ABCC11: variants seen among roughly 807,000 people sequenced by gnomAD.
ABCC11 encodes ATP-binding cassette sub-family C member 11.
A neutral mutation model predicts 149.3 loss-of-function variants in ABCC11; 135 were observed. The observed-to-expected ratio is 0.90, with a 90% CI of 0.79 to 1.04. ABCC11 has a LOEUF of 1.04. Among genes scored for constraint, ABCC11 ranks in the 50% least tolerant of loss-of-function variants. The pLI is 0.00. For synonymous variants in ABCC11, 665 were observed against 671.4 expected, an observed-to-expected ratio of 0.99 and a Z score of 0.15; for missense variants, 1,680 against 1,722.1, an observed-to-expected ratio of 0.98 and a Z score of 0.43.
chr16:48,227,885 G>C lies in ABCC11; in HGVS notation c.316C>G (p.Gln106Glu), dbSNP rs1439821849. ...TCATCTAAGCGACTCCGTAAGCTTT[G>C]GATCATGAGCGGGGTGAGCCATGAC... ...TVSWLTPLMIQSLRSRLDENT... is the reference protein window; with the variant it reads ...TVSWLTPLMIESLRSRLDENT... Residue 106 changes from glutamine to glutamate, a missense_variant, in exon 4 of 30, where the codon CAA becomes GAA. Transcript: ENST00000356608. 6.2e-7 allele frequency: 1 copy of C among 1,614,122 alleles called. No homozygotes were observed.
intron 7 of ABCC11, 141 bp from the exon 8 acceptor site, chr16:48,215,485 T>C: frequency 1.0e-6 from 1 of 991,286 alleles, no homozygotes; most frequent in Non-Finnish European, 1.4e-6. Flanking sequence ...TCCAGGCCAC[T>C]ATGCCTTAGA....
intron 20 of ABCC11, among the ~76,000 whole-genome samples, chr16:48,191,559 C>G (rs1171157697): frequency 6.6e-6 from 1 of 152,172 alleles, no homozygotes; most frequent in Non-Finnish European, 1.5e-5. Context: ...CTCAATTTTT[C>G]TGTAAACGAA....
chr16:48,205,417 C>A lies in ABCC11; in HGVS notation c.1801G>T (p.Ala601Ser), dbSNP rs994629552. 6.2e-7 allele frequency: 1 copy of A among 1,614,202 alleles called. No individual in the cohort carries two copies. The highest frequency in any genetic ancestry group is 8.5e-7 in the Non-Finnish European group (1 of 1,180,018). ...TTTCCCCTCCCAGGAGCTTACCGGG[C>A]CTTGTCATATGCGCCTCCCATGAGG... ...NILMGGAYDK[A>S]RYLQVLHCCS... The change falls in exon 13 of 30, where the codon GCC becomes TCC. Residue 601 changes from alanine to serine, a missense_variant. Transcript: ENST00000356608.
rs557871867 is a variant in ABCC11, at chr16:48,245,743, G to A, written c.-19+1571C>T. Among the ~76,000 whole-genome samples the A allele has an allele frequency of 2.6e-5, 4 of 152,258 alleles. No homozygotes were observed. The South Asian group carries it at 8.3e-4, about 32-fold the overall frequency. ...AAAGGTAATATTTTGAGTACTTGGG[G>A]TTAATAAAATGTTAAGATTTCTGCT... On this transcript the variant is annotated intron_variant, in intron 1 of 29. Coordinates refer to ENST00000356608, the MANE Select transcript of ABCC11 (RefSeq NM_001370497.1).
chr16:48,247,217 T>TAAAAAAA (rs78085763), intron 1 of ABCC11, 97 bp downstream of exon 1: 2 of 141,808 alleles, frequency 1.4e-5, no homozygotes, highest in African/African-American at 5.3e-5. Context: ...ACACTCTACT[T>TAAAAAAA]AAAAAAAAAA....
intron 20 of ABCC11, among the ~76,000 whole-genome samples, chr16:48,192,209 C>T (rs1042000183): frequency 2.0e-5 from 3 of 151,928 alleles, no homozygotes; most frequent in Non-Finnish European, 2.9e-5. Flanking sequence ...TTTGGGGGGC[C>T]GAGGTGGATG....
chr16:48,203,097 A>G, intron 14 of ABCC11, 131 bp downstream of exon 14: 1 of 1,013,914 alleles, frequency 9.9e-7, no homozygotes, highest in Non-Finnish European at 1.4e-6. Flanking sequence ...CTCCTCCTGC[A>G]GCAGCTGCAG....
chr16:48,242,221 T>A lies in ABCC11; in HGVS notation c.-19+5093A>T, dbSNP rs560723660. On this transcript the variant is annotated intron_variant, in intron 1 of 29. Coordinates refer to ENST00000356608, the MANE Select transcript of ABCC11 (RefSeq NM_001370497.1). ...CAAGAAAAAATCAAACAACCCCATCTAAAAGTGGGCAAAGGATATGAACAG... is the reference window on the plus strand; with the variant it reads ...CAAGAAAAAATCAAACAACCCCATCAAAAAGTGGGCAAAGGATATGAACAG... Among the ~76,000 whole-genome samples the A allele has an allele frequency of 1.0e-3, 154 of 152,176 alleles. 1 individual carries two copies. The highest frequency in any genetic ancestry group is 1.2e-3 in the South Asian group (6 of 4,824).
At position 48,184,580 on chromosome 16, in the gene ABCC11, G is replaced by A; in HGVS notation, c.3118C>T (p.Leu1040=). Residue 1040 remains leucine (L), a synonymous_variant, in exon 23 of 30, where the codon CTA becomes TTA. Coordinates refer to ENST00000356608, the MANE Select transcript of ABCC11 (RefSeq NM_001370497.1). ...DAQNNYLLLF[L]SSTRWMALRL... Reference sequence around the variant, plus strand: ...AATGCCATCCATCGTGTGGAAGATAGAAACAACAGCAGGTAGTTATTCTGC... The same window carrying A: ...AATGCCATCCATCGTGTGGAAGATAAAAACAACAGCAGGTAGTTATTCTGC... The A allele has an allele frequency of 1.2e-6, 2 of 1,614,242 alleles. No homozygotes were observed. Among genetic ancestry groups the A allele is most frequent in the Admixed American group, 1.7e-5 (1 of 60,034 alleles).
Position 48,216,229 on chromosome 16 carries a change from G to C in ABCC11, c.836C>G (p.Pro279Arg). Reference sequence around the variant, plus strand: ...CGATGCGCAGGTGATCAGTACTAGGGGTCCATAGCACACCCCTTCAAACAG... The same window carrying C: ...CGATGCGCAGGTGATCAGTACTAGGCGTCCATAGCACACCCCTTCAAACAG... ...NYLFEGVCYG[P>R]LVLITCASLV... The change falls in exon 7 of 30, where the codon CCC becomes CGC. Residue 279 changes from proline (P) to arginine (R), a missense_variant. Transcript: ENST00000356608. The C allele has an allele frequency of 3.1e-6, 5 of 1,614,062 alleles. No individual in the cohort carries two copies. The highest frequency in any genetic ancestry group is 3.4e-6 in the Non-Finnish European group (4 of 1,179,992).
At chr16:48,195,306 A>G (rs1967296938) in intron 18 of ABCC11, among the ~76,000 whole-genome samples, 1 of 152,220 alleles carries the variant, frequency 6.6e-6, no homozygotes, top group South Asian at 2.1e-4. Context: ...ATACAGATCA[A>G]TGTAAGCTGC....
At chr16:48,185,031 C>T (rs915295041) in intron 22 of ABCC11, among the ~76,000 whole-genome samples, 1 of 152,064 alleles carries the variant, frequency 6.6e-6, no homozygotes, top group Non-Finnish European at 1.5e-5. Context: ...AGGAGGGGAG[C>T]CTGGAGCCAC....
intron 18 of ABCC11, among the ~76,000 whole-genome samples, chr16:48,195,194 C>G (rs775027795): frequency 1.2e-4 from 18 of 152,214 alleles, no homozygotes; most frequent in Non-Finnish European, 1.8e-4. Context: ...GGAAGCAAGT[C>G]TTAATTCTCC....
chr16:48,246,725 C>T (rs1213494229), intron 1 of ABCC11, among the ~76,000 whole-genome samples: 1 of 152,088 alleles, frequency 6.6e-6, no homozygotes, highest in African/African-American at 2.4e-5. Flanking sequence ...TAGGCGTGCA[C>T]CACTACACCC....
chr16:48,180,075 G>C (rs1055245853), intron 23 of ABCC11, among the ~76,000 whole-genome samples: 1 of 152,198 alleles, frequency 6.6e-6, no homozygotes, highest in African/African-American at 2.4e-5. Flanking sequence ...GGGCTGCCTT[G>C]CCAGCATCAT....
intron 26 of ABCC11, among the ~76,000 whole-genome samples, chr16:48,171,313 CCAAT>C (rs1336191822): frequency 3.3e-5 from 5 of 152,194 alleles, no homozygotes; most frequent in African/African-American, 9.7e-5. Flanking sequence ...GGGAAAGTAA[CCAAT>C]CAGAGTGTAT....
intron 22 of ABCC11, among the ~76,000 whole-genome samples, chr16:48,184,961 G>T (rs1966668143): frequency 6.6e-6 from 1 of 152,236 alleles, no homozygotes; most frequent in Non-Finnish European, 1.5e-5. Context: ...GTGTGAGTGA[G>T]TGTGGGAGTG....
At chr16:48,199,050 A>G (rs1018605081) in intron 15 of ABCC11, among the ~76,000 whole-genome samples, 3 of 151,052 alleles carry the variant, frequency 2.0e-5, no homozygotes, top group Non-Finnish European at 4.4e-5. Flanking sequence ...ATATATATAT[A>G]TATCTATATA....
Position 48,178,637 on chromosome 16 carries a change from G to T in ABCC11, c.3308C>A (p.Ala1103Glu). The change falls in exon 24 of 30, where the codon GCA becomes GAA. Residue 1103 changes from alanine (A) to glutamate (E), a missense_variant. By Grantham distance (107) the Ala-to-Glu change is moderately radical. Coordinates refer to ENST00000356608, the MANE Select transcript of ABCC11 (RefSeq NM_001370497.1). Reference sequence around the variant, plus strand: ...TATCCTCTCTACAGCCGTGAACTGTGCCTCTGTCTCCAAGCCAATCCGGGC... The same window carrying T: ...TATCCTCTCTACAGCCGTGAACTGTTCCTCTGTCTCCAAGCCAATCCGGGC... ...ATARIGLETE[A>E]QFTAVERILQ... 6.2e-7 allele frequency: 1 copy of T among 1,614,132 alleles called. No individual in the cohort carries two copies. Among genetic ancestry groups the T allele is most frequent in the African/African-American group, 1.3e-5 (1 of 75,038 alleles).
Sources: allele counts gnomAD v4.1 joint callset (sites outside exome capture counted in the v4.1 genomes callset), GRCh38; gene constraint gnomAD v4.1.1; transcripts MANE v1.5; gene names NCBI Gene and HGNC (gene_info 2026-07-23, HGNC 2026-07-21).